The following ETNK1 variants were observed in gnomAD, a reference collection of about 807,000 sequenced individuals.
The protein encoded by ETNK1 is putative protein product of Nbla10396.
A neutral mutation model predicts 45.1 loss-of-function variants in ETNK1; 8 were observed. The observed-to-expected ratio is 0.18, with a 90% CI of 0.10 to 0.32. ETNK1 has a LOEUF of 0.32. Among genes scored for constraint, ETNK1 ranks in the 10% least tolerant of loss-of-function variants. ETNK1 has a pLI of 1.00. For missense variants in ETNK1, 302 were observed against 430.6 expected, an observed-to-expected ratio of 0.70 and a Z score of 2.64; for synonymous variants, 152 against 151.9, an observed-to-expected ratio of 1.00 and a Z score of -0.01.
intron 5 of ETNK1, among the ~76,000 whole-genome samples, chr12:22,673,104 A>AAAAAT (rs2137569836): frequency 6.6e-6 from 1 of 152,284 alleles, no homozygotes; most frequent in East Asian, 1.9e-4. Flanking sequence ...TCCAAAAAAA[A>AAAAAT]AAGTATTCTT....
intron 2 of ETNK1, chr12:22,656,546 AC>A (rs1424699158): frequency 1.0e-6 from 1 of 985,232 alleles, no homozygotes; most frequent in African/African-American, 1.7e-5. Flanking sequence ...TGAAAGCAGA[AC>A]TACTGTGCCG....
At chr12:22,665,614 G>T (rs1423830983) in intron 4 of ETNK1, among the ~76,000 whole-genome samples, 1 of 152,164 alleles carries the variant, frequency 6.6e-6, no homozygotes, top group African/African-American at 2.4e-5. Context: ...TCAGCTGTGT[G>T]TTGAGGCATG....
intron 6 of ETNK1, among the ~76,000 whole-genome samples, chr12:22,679,553 G>T (rs928383967): frequency 5.9e-5 from 9 of 152,018 alleles, no homozygotes; most frequent in Admixed American, 4.6e-4. Flanking sequence ...AGCCAACTAG[G>T]CAACCCTCGA....
chr12:22,680,223 T>C (rs988223367), intron 6 of ETNK1, among the ~76,000 whole-genome samples: 6 of 152,310 alleles, frequency 3.9e-5, no homozygotes, highest in Non-Finnish European at 8.8e-5. Flanking sequence ...TTTTATTTTT[T>C]ACCTTTGATT....
chr12:22,661,412 T>G (rs979149187), intron 4 of ETNK1, among the ~76,000 whole-genome samples: 1 of 152,214 alleles, frequency 6.6e-6, no homozygotes, highest in African/African-American at 2.4e-5. Flanking sequence ...AATATGTTTT[T>G]TAGAATTGGT....
At chr12:22,655,340 T>G (rs1327996732) in intron 2 of ETNK1, among the ~76,000 whole-genome samples, 3 of 148,408 alleles carry the variant, frequency 2.0e-5, no homozygotes, top group Admixed American at 1.3e-4. Flanking sequence ...TTTTTTTTTT[T>G]TTTTTTTTTT....
intron 1 of ETNK1, among the ~76,000 whole-genome samples, chr12:22,629,275 T>C (rs1475959689): frequency 6.6e-6 from 1 of 152,128 alleles, no homozygotes; most frequent in Non-Finnish European, 1.5e-5. Flanking sequence ...TTAGTTCACA[T>C]GCAAAGATTA....
At chr12:22,642,802 C>T (rs1953756197) in intron 1 of ETNK1, among the ~76,000 whole-genome samples, 1 of 151,962 alleles carries the variant, frequency 6.6e-6, no homozygotes, top group African/African-American at 2.4e-5. Context: ...CTTTGTTCCA[C>T]TTGGGAGCCT....
chr12:22,625,703 A>G, intron 1 of ETNK1, 117 bp downstream of exon 1: 1 of 1,412,438 alleles, frequency 7.1e-7, no homozygotes, highest in Non-Finnish European at 9.7e-7. Flanking sequence ...ACATCTCCTT[A>G]AGTCTATTGG....
At chr12:22,629,148 A>G (rs568338163) in intron 1 of ETNK1, among the ~76,000 whole-genome samples, 19 of 152,228 alleles carry the variant, frequency 1.2e-4, no homozygotes, top group African/African-American at 2.4e-4. Flanking sequence ...AGCACCTACT[A>G]TATATTGGAT....
At chr12:22,630,571 A>C (rs1352931526) in intron 1 of ETNK1, among the ~76,000 whole-genome samples, 2 of 152,144 alleles carry the variant, frequency 1.3e-5, no homozygotes, top group Admixed American at 6.5e-5. Context: ...TTAGGACATC[A>C]TGGGAAGCCA....
rs568834311 is a variant in ETNK1 at position 22,665,631 on chromosome 12, G to A, written c.700+4426G>A. Among the ~76,000 whole-genome samples, 10 of 152,252 alleles carry A rather than the reference G, an allele frequency of 6.6e-5. No individual in the cohort carries two copies. In the East Asian group the frequency reaches 1.5e-3, roughly 24 times the overall value. ...AGCTGTGTGTTGAGGCATGAACACAGCCATAGACAATACATGAGTGAGCTG... is the reference window on the plus strand; with the variant it reads ...AGCTGTGTGTTGAGGCATGAACACAACCATAGACAATACATGAGTGAGCTG... On this transcript the variant is annotated intron_variant, in intron 4 of 7. Coordinates refer to ENST00000266517, the MANE Select transcript of ETNK1 (RefSeq NM_018638.5).
rs974355806 is a variant in ETNK1 at position 22,689,586 on chromosome 12, A to C, written c.*4632A>C. ...TATTGTATTTAAAACTAATTAGTGAAGAGTAAGAAAAAAACTAGCCAACAG... is the reference window on the plus strand; with the variant it reads ...TATTGTATTTAAAACTAATTAGTGACGAGTAAGAAAAAAACTAGCCAACAG... On this transcript the variant is annotated 3_prime_UTR_variant, in exon 8 of 8. Transcript: ENST00000266517. 6.6e-6 allele frequency: 1 copy of C among 152,068 alleles called. No homozygotes were observed. The highest frequency in any genetic ancestry group is 6.5e-5 in the Admixed American group (1 of 15,274). 9.4% of individuals were successfully genotyped at this position (152,068 alleles called of 1,614,324 possible).
chr12:22,633,438 A>G (rs1460655701), intron 1 of ETNK1, among the ~76,000 whole-genome samples: 2 of 152,160 alleles, frequency 1.3e-5, no homozygotes, highest in Non-Finnish European at 2.9e-5. Context: ...ACTCTCAATC[A>G]TTGCTACAGG....
At chr12:22,684,308 G>A (rs138417262) in intron 6 of ETNK1, among the ~76,000 whole-genome samples, 175 bp from the exon 7 acceptor site, 18 of 152,144 alleles carry the variant, frequency 1.2e-4, no homozygotes, top group African/African-American at 4.1e-4. Context: ...GTGATCTGTA[G>A]CCATCTAGTG....
intron 2 of ETNK1, among the ~76,000 whole-genome samples, chr12:22,648,379 C>G (rs1337310375): frequency 6.6e-6 from 1 of 151,980 alleles, no homozygotes; most frequent in African/African-American, 2.4e-5. Flanking sequence ...ATTCATCCCT[C>G]TTTTCCCCTT....
rs576283083 is a variant in ETNK1, at chr12:22,643,721, A to G, written c.157-42A>G. ...TTTATCTCCTGTTCTCTAAAGATAG[A>G]TAATTGCTTTTTTTCCCATTTTTAA... On this transcript the variant is annotated intron_variant, in intron 1 of 7. Transcript: ENST00000266517. 3.9e-6 allele frequency: 6 copies of G among 1,537,822 alleles called. No individual in the cohort carries two copies. In the South Asian group the frequency reaches 7.3e-5, roughly 19 times the overall value.
At chr12:22,682,014 A>G (rs1402095626) in intron 6 of ETNK1, among the ~76,000 whole-genome samples, 2 of 152,050 alleles carry the variant, frequency 1.3e-5, no homozygotes, top group Non-Finnish European at 2.9e-5. Context: ...ACTCTATTAC[A>G]TTAAAATCTA....
chr12:22,642,015 G>T (rs941960053), intron 1 of ETNK1, among the ~76,000 whole-genome samples: 1 of 152,038 alleles, frequency 6.6e-6, no homozygotes, highest in Non-Finnish European at 1.5e-5. Flanking sequence ...TCAATTTAGG[G>T]ATAATAAGAG....
Sources: allele counts gnomAD v4.1 joint callset (sites outside exome capture counted in the v4.1 genomes callset), GRCh38; gene constraint gnomAD v4.1.1; transcripts MANE v1.5; gene names NCBI Gene and HGNC (gene_info 2026-07-23, HGNC 2026-07-21).